HTR7: variants seen among roughly 807,000 people sequenced by gnomAD.
HTR7 encodes the protein 5-hydroxytryptamine receptor 7.
HTR7 carries 16 observed loss-of-function variants against 34.0 expected under a neutral mutation model. That is an observed-to-expected ratio of 0.47 (90% CI 0.32 to 0.71). The LOEUF (loss-of-function observed/expected upper bound fraction) is 0.71, where lower values mean the gene tolerates loss of function less well. Ranked by LOEUF, HTR7 falls within the 30% of genes least tolerant of loss-of-function variation. The pLI is 0.04. For missense variants in HTR7, 504 were observed against 625.5 expected (o/e 0.81, Z 2.07); for synonymous variants, 265 against 260.2 (o/e 1.02, Z -0.18).
intron 1 of HTR7, among the ~76,000 whole-genome samples, chr10:90,780,382 G>A (rs571676249): frequency 2.4e-4 from 36 of 151,906 alleles, no homozygotes; most frequent in Admixed American, 3.9e-4. Context: ...CTAAAAATGC[G>A]TAAAATTATC....
Position 90,749,789 on chromosome 10 carries a change from T to C in HTR7, c.540-195A>G, listed in dbSNP as rs1564668710. Reference sequence around the variant, plus strand: ...TTTATTCCGGGTCACACAGAGGCATTGCCAGATTGTAGCCTGAGAGCCCTC... The same window carrying C: ...TTTATTCCGGGTCACACAGAGGCATCGCCAGATTGTAGCCTGAGAGCCCTC... On this transcript the variant is annotated intron_variant, in intron 1 of 3. Coordinates refer to ENST00000336152, the MANE Select transcript of HTR7 (RefSeq NM_019859.4). This position sits in a 1 kb window ranked among gnomAD's most constrained non-coding sequence, Gnocchi z 4.2. Among the ~76,000 whole-genome samples, 1 of 152,190 alleles carries C rather than the reference T, an allele frequency of 6.6e-6. No homozygotes were observed. The highest frequency in any genetic ancestry group is 2.4e-5 in the African/African-American group (1 of 41,446).
chr10:90,759,918 A>G (rs1844907042), intron 1 of HTR7, among the ~76,000 whole-genome samples: 1 of 152,196 alleles, frequency 6.6e-6, no homozygotes, highest in Non-Finnish European at 1.5e-5. Context: ...AAATTGTAAC[A>G]TATAGTTTAT....
chr10:90,849,461 T>C (rs1310579195), intron 1 of HTR7, among the ~76,000 whole-genome samples: 2 of 151,996 alleles, frequency 1.3e-5, no homozygotes, highest in Non-Finnish European at 2.9e-5. Context: ...ATATATTAGT[T>C]GGTGAGTTTT....
intron 1 of HTR7, among the ~76,000 whole-genome samples, chr10:90,841,662 G>A (rs1846331471): frequency 6.6e-6 from 1 of 152,092 alleles, no homozygotes. Context: ...GGTCGACATG[G>A]TTCATAAATC....
chr10:90,853,333 T>A (rs993047147), intron 1 of HTR7, among the ~76,000 whole-genome samples: 11 of 149,712 alleles, frequency 7.3e-5, no homozygotes, highest in African/African-American at 2.7e-4. Context: ...TTGCCCAGGC[T>A]AGAGTGCAGT....
chr10:90,826,974 T>A (rs1846086967), intron 1 of HTR7, among the ~76,000 whole-genome samples: 5 of 151,322 alleles, frequency 3.3e-5, no homozygotes, highest in African/African-American at 9.7e-5. Flanking sequence ...AATAAATAAA[T>A]GAATAAAATA....
rs1356688903 is a variant in HTR7 at position 90,741,398 on chromosome 10, A to T, written c.*1084T>A. The T allele has an allele frequency of 6.6e-6, 1 of 152,514 alleles. No homozygotes were observed. Among genetic ancestry groups the T allele is most frequent in the Non-Finnish European group, 1.5e-5 (1 of 68,024 alleles). 9.4% of individuals were successfully genotyped at this position (152,514 alleles called of 1,614,324 possible). ...TGGGAATCAGAGGACAGAATTGCTTAGGCACACATTTGATTTAAGATACAT... is the reference window on the plus strand; with the variant it reads ...TGGGAATCAGAGGACAGAATTGCTTTGGCACACATTTGATTTAAGATACAT... On this transcript the variant is annotated 3_prime_UTR_variant, in exon 4 of 4. Transcript: ENST00000336152.
At chr10:90,772,933 A>G (rs1404552068) in intron 1 of HTR7, among the ~76,000 whole-genome samples, 1 of 152,218 alleles carries the variant, frequency 6.6e-6, no homozygotes, top group Admixed American at 6.5e-5. Flanking sequence ...TACTCTCCCA[A>G]CATCACATAA....
chr10:90,811,023 C>T (rs1042102023), intron 1 of HTR7, among the ~76,000 whole-genome samples: 3 of 152,156 alleles, frequency 2.0e-5, no homozygotes, highest in Non-Finnish European at 4.4e-5. Flanking sequence ...AAAAAGAAAC[C>T]TAGCTGACCC....
rs980837494 is a variant in HTR7, at chr10:90,757,805, T to C, written c.540-8211A>G. ...AAGGAAAAAAGAAAGAAAGAGAACA[T>C]GGCTAAGACTTGAAGAACCAAGTCA... On this transcript the variant is annotated intron_variant, in intron 1 of 3. Transcript: ENST00000336152. 4.6e-5 allele frequency among the ~76,000 whole-genome samples: 7 copies of C among 152,028 alleles called. No homozygotes were observed. In the East Asian group the frequency reaches 1.2e-3, roughly 25 times the overall value.
At position 90,743,590 on chromosome 10, in the gene HTR7, C is replaced by T. The variant is rs780809235; in HGVS notation, c.1393+3G>A. 1.6e-5 allele frequency: 26 copies of T among 1,611,376 alleles called. No homozygotes were observed. In the South Asian group the frequency reaches 1.9e-4, roughly 12 times the overall value. The stretch of plus-strand genomic sequence containing the variant: ...CCAAAGTCTCCCTTTCCTTGCTACC[C>T]ACCTGCTAACCAATTGTGATGGTCT... On this transcript the variant is annotated splice_donor_region_variant and intron_variant, in intron 3 of 3. Transcript: ENST00000336152.
chr10:90,857,702 C>T lies in HTR7; in HGVS notation c.-31G>A. On this transcript the variant is annotated 5_prime_UTR_variant, in exon 1 of 4. Transcript: ENST00000336152. The surrounding 1 kb of genome is among the most constrained non-coding windows in gnomAD (Gnocchi z 6.5). Reference sequence around the variant, plus strand: ...CGCCGTGTGCCGCTGCCCATGGAGCCGGCGCCCCGGCCACGCGCCTCCGGC... The same window carrying T: ...CGCCGTGTGCCGCTGCCCATGGAGCTGGCGCCCCGGCCACGCGCCTCCGGC... The T allele has an allele frequency of 1.4e-6, 2 of 1,461,782 alleles. No homozygotes were observed. Among genetic ancestry groups the T allele is most frequent in the Non-Finnish European group, 1.8e-6 (2 of 1,120,756 alleles). 90.6% of individuals were successfully genotyped at this position (1,461,782 alleles called of 1,614,324 possible).
intron 1 of HTR7, among the ~76,000 whole-genome samples, chr10:90,843,950 A>G (rs1846369876): frequency 6.6e-6 from 1 of 152,240 alleles, no homozygotes; most frequent in Admixed American, 6.5e-5. Context: ...ATCCATAAAT[A>G]AAGCTTTATT....
intron 1 of HTR7, among the ~76,000 whole-genome samples, chr10:90,752,422 GA>G (rs1844752960): frequency 6.6e-6 from 1 of 151,872 alleles, no homozygotes; most frequent in African/African-American, 2.4e-5. Context: ...ATCCATGGGG[GA>G]AAAAACTTGT....
chr10:90,768,366 A>G (rs1353343713), intron 1 of HTR7, among the ~76,000 whole-genome samples: 1 of 152,214 alleles, frequency 6.6e-6, no homozygotes, highest in African/African-American at 2.4e-5. Flanking sequence ...TCAAATATGA[A>G]ACATTTTCAC....
chr10:90,830,461 C>T (rs1041025003), intron 1 of HTR7, among the ~76,000 whole-genome samples: 2 of 152,130 alleles, frequency 1.3e-5, no homozygotes, highest in Non-Finnish European at 2.9e-5. Context: ...CTAAGTACAG[C>T]TGAGCAATAA....
At chr10:90,759,180 T>A in intron 1 of HTR7, among the ~76,000 whole-genome samples, 1 of 134,284 alleles carries the variant, frequency 7.4e-6, no homozygotes, top group Middle Eastern at 4.1e-3. Context: ...AGAGTGAAAC[T>A]CTGTCTCAAA....
At chr10:90,807,009 T>C (rs915186238) in intron 1 of HTR7, among the ~76,000 whole-genome samples, 1 of 152,194 alleles carries the variant, frequency 6.6e-6, no homozygotes, top group African/African-American at 2.4e-5. Context: ...GGGCATAATG[T>C]AAAGGAACTG....
intron 1 of HTR7, among the ~76,000 whole-genome samples, chr10:90,834,357 G>A (rs1008464563): frequency 6.6e-6 from 1 of 150,846 alleles, no homozygotes; most frequent in Non-Finnish European, 1.5e-5. Context: ...GTTATAATCT[G>A]AATACATAAA....
Sources: allele counts gnomAD v4.1 joint callset (sites outside exome capture counted in the v4.1 genomes callset), GRCh38; gene constraint gnomAD v4.1.1; non-coding constraint Gnocchi (gnomAD v3.1); transcripts MANE v1.5; gene names NCBI Gene and HGNC (gene_info 2026-07-23, HGNC 2026-07-21).